The following CHN2 variants were observed in gnomAD, a reference collection of about 807,000 sequenced individuals.
CHN2 encodes chimerin 2.
Under a neutral mutation model 56.3 loss-of-function variants are expected in CHN2, and 35 were observed. The ratio of observed to expected loss-of-function variants is 0.62; its 90% CI spans 0.47 to 0.82. The LOEUF (loss-of-function observed/expected upper bound fraction) is 0.82. Among genes scored for constraint, CHN2 ranks in the 40% least tolerant of loss-of-function variants. CHN2 has a pLI of 0.00. For synonymous variants in CHN2, 210 were observed against 212.8 expected, an observed-to-expected ratio of 0.99 and a Z score of 0.12; for missense variants, 491 against 580.5, an observed-to-expected ratio of 0.85 and a Z score of 1.58.
rs1340670255 is a variant in CHN2 at position 29,428,561 on chromosome 7, AT to A, written c.576+27741del. Among the ~76,000 whole-genome samples the A allele has an allele frequency of 2.0e-5, 3 of 152,034 alleles. No homozygotes were observed. The South Asian group carries it at 6.3e-4, about 32-fold the overall frequency. ...CAACTGTGTCTCTGCAAAAGCCTGG[AT>A]TTTTTTTCATATTCTTCAACCAACA... On this transcript the variant is annotated intron_variant, in intron 6 of 12. Coordinates refer to ENST00000222792, the MANE Select transcript of CHN2 (RefSeq NM_004067.4).
At chr7:29,147,189 GC>G (rs1481796963) in intron 2 of CHN2, 3 of 575,914 alleles carry the variant, frequency 5.2e-6, no homozygotes, top group Non-Finnish European at 8.9e-6. Flanking sequence ...CAGTACGGGA[GC>G]AAGAACTAAA....
chr7:29,336,981 C>T (rs1422866418), intron 1 of CHN2, among the ~76,000 whole-genome samples: 1 of 152,034 alleles, frequency 6.6e-6, no homozygotes, highest in Non-Finnish European at 1.5e-5. Flanking sequence ...CTGCCAGGAA[C>T]CTGGCTCCTG....
intron 1 of CHN2, among the ~76,000 whole-genome samples, chr7:29,304,653 G>A (rs1793996989): frequency 6.6e-6 from 1 of 152,138 alleles, no homozygotes. Context: ...GGAGTACAAA[G>A]ATTTGCACAC....
intron 2 of CHN2, among the ~76,000 whole-genome samples, chr7:29,355,116 G>T (rs1472519347): frequency 1.3e-5 from 2 of 151,824 alleles, no homozygotes; most frequent in Non-Finnish European, 2.9e-5. Flanking sequence ...TTACAGGCAT[G>T]CGCCACCATG....
At chr7:29,499,834 T>G (rs568237708) in intron 8 of CHN2, 33 bp from the exon 9 acceptor site, 2 of 1,516,914 alleles carry the variant, frequency 1.3e-6, no homozygotes, top group Non-Finnish European at 1.8e-6. Flanking sequence ...ACAAAAGGGC[T>G]GGGCTAGGCT....
At chr7:29,443,185 C>A (rs1438367152) in intron 6 of CHN2, among the ~76,000 whole-genome samples, 1 of 151,922 alleles carries the variant, frequency 6.6e-6, no homozygotes, top group Non-Finnish European at 1.5e-5. Context: ...CATGATCCAC[C>A]CGCCTCGGCC....
intron 3 of CHN2, among the ~76,000 whole-genome samples, chr7:29,369,087 A>G (rs933110008): frequency 1.3e-5 from 2 of 152,202 alleles, no homozygotes; most frequent in South Asian, 2.1e-4. Context: ...ATGATATTCA[A>G]TATTTTTTCA....
rs567620461 is a variant in CHN2, at chr7:29,480,217, T to A, written c.577-62T>A. On this transcript the variant is annotated intron_variant, in intron 6 of 12. Coordinates refer to ENST00000222792, the MANE Select transcript of CHN2 (RefSeq NM_004067.4). ...GAACTGCTGGCCGTAGCCTTCGGGG[T>A]GAAGGTGGGTGTCAAAGGCGGCTTT... 4 of 1,613,846 alleles carry A rather than the reference T, an allele frequency of 2.5e-6. No individual in the cohort carries two copies. The African/African-American group carries it at 4.0e-5, about 16-fold the overall frequency.
chr7:29,471,725 C>T (rs1229827948), intron 6 of CHN2, among the ~76,000 whole-genome samples: 1 of 152,230 alleles, frequency 6.6e-6, no homozygotes, highest in Non-Finnish European at 1.5e-5. Context: ...AACCTTGTCT[C>T]AGATCAGAAG....
chr7:29,374,505 C>T (rs1057234671), intron 3 of CHN2, among the ~76,000 whole-genome samples: 3 of 152,094 alleles, frequency 2.0e-5, no homozygotes, highest in African/African-American at 7.2e-5. Flanking sequence ...TGAACTTCTT[C>T]TAAAATAATA....
Position 29,414,647 on chromosome 7 carries a change from C to T in CHN2, c.576+13819C>T, listed in dbSNP as rs545992265. Among the ~76,000 whole-genome samples, 400 of 152,214 alleles carry T rather than the reference C, an allele frequency of 2.6e-3. 7 individuals carry two copies. The highest frequency in any genetic ancestry group is 2.2e-3 in the Admixed American group (34 of 15,294). On this transcript the variant is annotated intron_variant, in intron 6 of 12. Coordinates refer to ENST00000222792, the MANE Select transcript of CHN2 (RefSeq NM_004067.4). ...GTGTGGCATGCAAGGCCTTTTCTGA[C>T]CCTTTTCTTGTCACCCTGTCCCCCA...
At chr7:29,506,386 C>T (rs1289703996) in intron 10 of CHN2, among the ~76,000 whole-genome samples, 1 of 152,076 alleles carries the variant, frequency 6.6e-6, no homozygotes, top group Non-Finnish European at 1.5e-5. Flanking sequence ...ACCTGTAATC[C>T]GAGCATTTTG....
intron 1 of CHN2, among the ~76,000 whole-genome samples, chr7:29,291,844 G>A (rs1432908921): frequency 6.6e-6 from 1 of 152,160 alleles, no homozygotes; most frequent in Non-Finnish European, 1.5e-5. Flanking sequence ...GAGTATCTGT[G>A]TAGCAAAAGT....
chr7:29,424,596 A>T (rs1804661263), intron 6 of CHN2, among the ~76,000 whole-genome samples: 1 of 152,228 alleles, frequency 6.6e-6, no homozygotes, highest in South Asian at 2.1e-4. Context: ...CACAGGCCAC[A>T]TCTGGCTGAC....
chr7:29,433,346 G>A (rs917859082), intron 6 of CHN2, among the ~76,000 whole-genome samples: 1 of 152,140 alleles, frequency 6.6e-6, no homozygotes, highest in East Asian at 1.9e-4. Flanking sequence ...GGGAAGGACT[G>A]GGCTGAAGGG....
intron 3 of CHN2, among the ~76,000 whole-genome samples, chr7:29,392,044 G>C (rs1162139808): frequency 6.6e-6 from 1 of 152,168 alleles, no homozygotes; most frequent in East Asian, 1.9e-4. Context: ...CCCAGATTTT[G>C]CAAACTTGTG....
At chr7:29,428,717 T>C (rs1048260543) in intron 6 of CHN2, among the ~76,000 whole-genome samples, 6 of 152,212 alleles carry the variant, frequency 3.9e-5, no homozygotes, top group Admixed American at 2.6e-4. Context: ...ATATGGTTAA[T>C]TTTTATGTAA....
Position 29,390,114 on chromosome 7 carries a change from C to A in CHN2, c.145-3565C>A, listed in dbSNP as rs145214512. Among the ~76,000 whole-genome samples, 4 of 150,334 alleles carry A rather than the reference C, an allele frequency of 2.7e-5. No homozygotes were observed. The East Asian group carries it at 7.8e-4, about 29-fold the overall frequency. ...CATGGTCACACCATATACAGTGAAACCCTCTGTGCCTTGGGAAGGACCCAT... is the reference window on the plus strand; with the variant it reads ...CATGGTCACACCATATACAGTGAAAACCTCTGTGCCTTGGGAAGGACCCAT... On this transcript the variant is annotated intron_variant, in intron 3 of 12. Transcript: ENST00000222792.
At chr7:29,294,004 C>T (rs1258170911) in intron 1 of CHN2, among the ~76,000 whole-genome samples, 1 of 151,754 alleles carries the variant, frequency 6.6e-6, no homozygotes, top group African/African-American at 2.4e-5. Flanking sequence ...GTAGCTGGGA[C>T]TACAGGCGCC....
Sources: gnomAD v4.1 joint callset for allele counts (sites outside exome capture counted in the v4.1 genomes callset) on GRCh38, gnomAD v4.1.1 for gene constraint, MANE v1.5 for transcripts, NCBI Gene and HGNC (gene_info 2026-07-23, HGNC 2026-07-21) for gene names.